The following MAD2L2 variants were observed in gnomAD, a reference collection of about 807,000 sequenced individuals.
MAD2L2 encodes the protein mitotic spindle assembly checkpoint protein MAD2B.
A neutral mutation model predicts 30.5 loss-of-function variants in MAD2L2; 17 were observed. That is an observed-to-expected ratio of 0.56 (90% CI 0.38 to 0.84). MAD2L2 has a LOEUF of 0.84. MAD2L2 is among the 40% of genes least tolerant of loss of function. MAD2L2 has a pLI of 0.00. For synonymous variants in MAD2L2, 101 were observed against 113.9 expected (o/e 0.89, Z 0.72); for missense variants, 213 against 277.4 (o/e 0.77, Z 1.65).
intron 1 of MAD2L2, among the ~76,000 whole-genome samples, chr1:11,689,192 G>T (rs1333255141): frequency 6.6e-6 from 1 of 151,722 alleles, no homozygotes; most frequent in Non-Finnish European, 1.5e-5. Flanking sequence ...AGCTAACTGG[G>T]AGGCTGAGGC....
rs371683532 is a variant in MAD2L2, at chr1:11,690,347, C to T, written c.-692+1066G>A. ...TGTTCTCATCAATCCATCCTGGTGC[C>T]CACCAAGCTAATAATATCACGGTAA... On this transcript the variant is annotated intron_variant, in intron 1 of 10. Coordinates refer to the MAD2L2 transcript ENST00000235310. This position sits in a 1 kb window ranked among gnomAD's most constrained non-coding sequence, Gnocchi z 4.2. Among the ~76,000 whole-genome samples the T allele has an allele frequency of 6.6e-5, 10 of 152,236 alleles. No individual in the cohort carries two copies. In the South Asian group the frequency reaches 1.0e-3, roughly 16 times the overall value.
intron 8 of MAD2L2, 48 bp downstream of exon 8, chr1:11,675,034 C>T (rs772952979): frequency 2.7e-6 from 4 of 1,491,658 alleles, no homozygotes; most frequent in Admixed American, 1.9e-5. Flanking sequence ...GGCCTCACTT[C>T]GTTAAGCAGC....
chr1:11,685,607 C>G (rs897055588), upstream of MAD2L2, among the ~76,000 whole-genome samples: 1 of 152,154 alleles, frequency 6.6e-6, no homozygotes, highest in Non-Finnish European at 1.5e-5. Flanking sequence ...GTTCTAATTT[C>G]ATAGGATTGA....
chr1:11,684,967 A>T (rs1290948579), upstream of MAD2L2, among the ~76,000 whole-genome samples: 1 of 145,442 alleles, frequency 6.9e-6, no homozygotes, highest in East Asian at 2.0e-4. Flanking sequence ...TCTCCTTGTC[A>T]CCCAGGCTAG....
intron 4 of MAD2L2, chr1:11,677,213 CCT>C: frequency 1.7e-6 from 1 of 602,520 alleles, no homozygotes. Context: ...GGGAAGAAAC[CCT>C]GAGGGGCTCA....
chr1:11,686,900 TTAGTA>T (rs953030201), intron 1 of MAD2L2, among the ~76,000 whole-genome samples: 4 of 152,180 alleles, frequency 2.6e-5, no homozygotes. Flanking sequence ...TCAGTGATTT[TTAGTA>T]TAGTTACAAT....
chr1:11,674,931 A>C lies in MAD2L2; in HGVS notation c.595-115T>G. ...ACCACAGGTGGGGCCTCGTGGCCATAGCCATGGTGGAGAAGAGTAGAGATG... is the reference window on the plus strand; with the variant it reads ...ACCACAGGTGGGGCCTCGTGGCCATCGCCATGGTGGAGAAGAGTAGAGATG... On this transcript the variant is annotated intron_variant, in intron 8 of 8. Transcript: ENST00000376692. This position sits in a 1 kb window ranked among gnomAD's most constrained non-coding sequence, Gnocchi z 6.1. The C allele has an allele frequency of 7.2e-7, 1 of 1,380,448 alleles. No individual in the cohort carries two copies. The highest frequency in any genetic ancestry group is 1.0e-6 in the Non-Finnish European group (1 of 976,410). The allele number at this position is 1,380,448 out of a possible 1,614,324, so 85.5% of individuals were successfully genotyped here. A position where few individuals can be genotyped will look rare whatever the true frequency, so the allele number is the denominator to read the frequency against.
intron 1 of MAD2L2, among the ~76,000 whole-genome samples, chr1:11,689,061 C>T (rs569933106): frequency 6.6e-5 from 10 of 152,096 alleles, no homozygotes; most frequent in Non-Finnish European, 1.3e-4. Context: ...TTTGGGAGGC[C>T]AAGGCAGGCA....
chr1:11,677,017 C>T (rs1216492629), intron 4 of MAD2L2, 69 bp from the exon 5 acceptor site: 1 of 1,210,134 alleles, frequency 8.3e-7, no homozygotes, highest in South Asian at 1.2e-5. Context: ...TGCCTCCACC[C>T]CCTTGCCCAA....
In MAD2L2 at chr1:11,687,584, C is replaced by CA. The variant is rs1299161654; in HGVS notation, c.-692+3828dup. On this transcript the variant is annotated intron_variant, in intron 1 of 10. Transcript: ENST00000235310. The surrounding 1 kb of genome is among the most constrained non-coding windows in gnomAD (Gnocchi z 4.1). ...TAGAGAAGGGGTCTCACTATGTTGC[C>CA]AGGCTGGTCTCCAACTCCTGGCTTC... Among the ~76,000 whole-genome samples the CA allele has an allele frequency of 6.6e-6, 1 of 152,146 alleles. No homozygotes were observed. The highest frequency in any genetic ancestry group is 1.5e-5 in the Non-Finnish European group (1 of 68,044).
Position 11,677,617 on chromosome 1 carries a change from G to A in MAD2L2, c.160-3C>T. ...TTCAGCTCCGGGTGGCAGGACATCTGCACACAATACCATGCGGCTCGTGAG... is the reference window on the plus strand; with the variant it reads ...TTCAGCTCCGGGTGGCAGGACATCTACACACAATACCATGCGGCTCGTGAG... On this transcript the variant is annotated splice_region_variant and splice_polypyrimidine_tract_variant and intron_variant, in intron 3 of 8. Transcript: ENST00000376692. 1 of 1,612,260 alleles carries A rather than the reference G, an allele frequency of 6.2e-7. No homozygotes were observed. The highest frequency in any genetic ancestry group is 8.5e-7 in the Non-Finnish European group (1 of 1,179,684).
At chr1:11,680,520 C>G in intron 2 of MAD2L2, 42 bp downstream of exon 2, 1 of 1,610,574 alleles carries the variant, frequency 6.2e-7, no homozygotes, top group Non-Finnish European at 8.5e-7. Flanking sequence ...CCCGCCGGCC[C>G]AGACGCCCCC....
Position 11,674,702 on chromosome 1 carries a change from A to G in MAD2L2, c.*73T>C. ...AAGAGCACTTGGAATCAGGGCAGCC[A>G]TGCAGCACTGCCCTAGGCGGGGATC... On this transcript the variant is annotated 3_prime_UTR_variant, in exon 9 of 9. Coordinates refer to ENST00000376692, the MANE Select transcript of MAD2L2 (RefSeq NM_006341.4). The surrounding 1 kb of genome is among the most constrained non-coding windows in gnomAD (Gnocchi z 6.1). The G allele has an allele frequency of 2.0e-6, 3 of 1,471,912 alleles. No homozygotes were observed. The highest frequency in any genetic ancestry group is 2.3e-5 in the South Asian group (2 of 86,942). 91.2% of individuals were successfully genotyped at this position (1,471,912 alleles called of 1,614,324 possible).
At position 11,688,195 on chromosome 1, in the gene MAD2L2, C is replaced by T. The variant is rs1256415424; in HGVS notation, c.-692+3218G>A. Among the ~76,000 whole-genome samples the T allele has an allele frequency of 6.6e-6, 1 of 152,232 alleles. No individual in the cohort carries two copies. Among genetic ancestry groups the T allele is most frequent in the African/African-American group, 2.4e-5 (1 of 41,452 alleles). On this transcript the variant is annotated intron_variant, in intron 1 of 10. Transcript: ENST00000235310. The surrounding 1 kb of genome is among the most constrained non-coding windows in gnomAD (Gnocchi z 4.6). ...CAGGCCCAGGTGACCATCATCTCTT[C>T]TCTGCCACAGTACTTAGCTGGTCTC...
chr1:11,676,049 G>A lies in MAD2L2; in HGVS notation c.424C>T (p.Pro142Ser), dbSNP rs1408611286. Reference sequence around the variant, plus strand: ...AGAGGGTGGGGAGTGGACACACCTGGGGGGTTGTGGTCCAGGACGGCATCG... The same window carrying A: ...AGAGGGTGGGGAGTGGACACACCTGAGGGGTTGTGGTCCAGGACGGCATCG... ...VCDAVLDHNP[P>S]GCTFTVLVHT... The change falls in exon 6 of 9, where the codon CCA (proline) becomes TCA (serine). Residue 142 changes from proline (P) to serine (S), a missense_variant. Physicochemically the swap from Pro to Ser is moderately conservative, Grantham distance 74. Transcript: ENST00000376692. 6.2e-7 allele frequency: 1 copy of A among 1,613,002 alleles called. No individual in the cohort carries two copies. Among genetic ancestry groups the A allele is most frequent in the Non-Finnish European group, 8.5e-7 (1 of 1,179,332 alleles).
rs1317736596 is a variant in MAD2L2, at chr1:11,690,412, A to G, written c.-692+1001T>C. On this transcript the variant is annotated intron_variant, in intron 1 of 10. Coordinates refer to the MAD2L2 transcript ENST00000235310. The surrounding 1 kb of genome is among the most constrained non-coding windows in gnomAD (Gnocchi z 4.2). ...TTTACAGGAGCATTTCCTATGGGCCAGACCTTAGAAACGTTATCTCCTTAC... is the reference window on the plus strand; with the variant it reads ...TTTACAGGAGCATTTCCTATGGGCCGGACCTTAGAAACGTTATCTCCTTAC... Among the ~76,000 whole-genome samples, 7 of 152,226 alleles carry G rather than the reference A, an allele frequency of 4.6e-5. No individual in the cohort carries two copies. The highest frequency in any genetic ancestry group is 7.3e-5 in the Non-Finnish European group (5 of 68,034).
At chr1:11,684,590 G>C (rs1056020023), upstream of MAD2L2, among the ~76,000 whole-genome samples, 2 of 152,088 alleles carry the variant, frequency 1.3e-5, no homozygotes, top group Non-Finnish European at 2.9e-5. Context: ...AGACCTGCTC[G>C]GGCAGAGGAG....
At position 11,688,835 on chromosome 1, in the gene MAD2L2, CCTTG is replaced by C. The variant is rs1239245426; in HGVS notation, c.-692+2574_-692+2577del. On this transcript the variant is annotated intron_variant, in intron 1 of 10. Transcript: ENST00000235310. This position sits in a 1 kb window ranked among gnomAD's most constrained non-coding sequence, Gnocchi z 4.6. The stretch of plus-strand genomic sequence containing the variant: ...CAGCACAAGATACAGGTCATAAAGA[CCTTG>C]CTGATAAAACAGTTTGCAGTAAGGA... Among the ~76,000 whole-genome samples, 1 of 152,166 alleles carries C rather than the reference CCTTG, an allele frequency of 6.6e-6. No homozygotes were observed. Among genetic ancestry groups the C allele is most frequent in the Non-Finnish European group, 1.5e-5 (1 of 68,022 alleles).
chr1:11,680,744 A>G, intron 1 of MAD2L2, 131 bp from the exon 2 acceptor site: 1 of 1,406,942 alleles, frequency 7.1e-7, no homozygotes, highest in Non-Finnish European at 9.2e-7. Flanking sequence ...GCACAGGCTC[A>G]GGGCAGCTGG....
Sources: allele counts gnomAD v4.1 joint callset (sites outside exome capture counted in the v4.1 genomes callset), GRCh38; gene constraint gnomAD v4.1.1; non-coding constraint Gnocchi (gnomAD v3.1); transcripts MANE v1.5; gene names NCBI Gene and HGNC (gene_info 2026-07-23, HGNC 2026-07-21).